Variants in FHIT observed in about 807,000 individuals in gnomAD.
FHIT encodes the protein fragile histidine triad diadenosine triphosphatase, also known as bis(5'-adenosyl)-triphosphatase.
A neutral mutation model predicts 17.9 loss-of-function variants in FHIT; 19 were observed. The observed-to-expected ratio is 1.06, with a 90% CI of 0.74 to 1.56. The LOEUF (loss-of-function observed/expected upper bound fraction) is 1.56. Among genes scored for constraint, FHIT ranks in the 40% most tolerant of loss-of-function variants. The probability of loss-of-function intolerance (pLI) is 0.00; values close to 1 mark genes in which losing one functional copy is unlikely to be tolerated. For synonymous variants in FHIT, 81 were observed against 69.7 expected, an observed-to-expected ratio of 1.16 and a Z score of -0.81; for missense variants, 248 against 189.2, an observed-to-expected ratio of 1.31 and a Z score of -1.82.
chr3:60,186,872 C>T (rs1351777194), intron 5 of FHIT, among the ~76,000 whole-genome samples: 1 of 151,722 alleles, frequency 6.6e-6, no homozygotes, highest in Non-Finnish European at 1.5e-5. Context: ...TTCTACACTC[C>T]CTCAAATTAG....
chr3:60,632,312 G>C (rs567321372), intron 4 of FHIT, among the ~76,000 whole-genome samples: 8 of 152,256 alleles, frequency 5.3e-5, no homozygotes, highest in African/African-American at 1.9e-4. Context: ...GAAGGATCAG[G>C]TTTTCCACAG....
At chr3:59,912,947 A>T (rs541297238) in intron 8 of FHIT, among the ~76,000 whole-genome samples, 1 of 152,254 alleles carries the variant, frequency 6.6e-6, no homozygotes, top group Non-Finnish European at 1.5e-5. Flanking sequence ...TTCAGCACAC[A>T]AAACCAGCTC....
At chr3:61,128,899 T>C (rs2036687504) in intron 2 of FHIT, among the ~76,000 whole-genome samples, 1 of 152,122 alleles carries the variant, frequency 6.6e-6, no homozygotes, top group African/African-American at 2.4e-5. Context: ...TACATAAGCC[T>C]GGACCCTATA....
At chr3:60,116,136 A>C (rs1704950181) in intron 5 of FHIT, among the ~76,000 whole-genome samples, 1 of 152,224 alleles carries the variant, frequency 6.6e-6, no homozygotes, top group Non-Finnish European at 1.5e-5. Flanking sequence ...TGTTATGACA[A>C]AGAAAAAGAA....
chr3:59,812,843 G>C (rs1700455848), intron 8 of FHIT, among the ~76,000 whole-genome samples: 1 of 152,144 alleles, frequency 6.6e-6, no homozygotes, highest in Admixed American at 6.5e-5. Flanking sequence ...ATTACCCATA[G>C]CTATTTATGT....
intron 5 of FHIT, among the ~76,000 whole-genome samples, chr3:60,197,026 G>A (rs1012161955): frequency 6.6e-6 from 1 of 152,140 alleles, no homozygotes; most frequent in Non-Finnish European, 1.5e-5. Flanking sequence ...TATATACGTA[G>A]ACAGATAAAA....
In FHIT at chr3:60,418,410, ATATATATATATATATACG is replaced by A. The variant is rs1559897293; in HGVS notation, c.103+118432_103+118449del. Among the ~76,000 whole-genome samples the A allele has an allele frequency of 1.8e-4, 16 of 91,056 alleles. 1 individual carries two copies. The South Asian group carries it at 2.7e-3, about 15-fold the overall frequency. 59.7% of individuals were successfully genotyped at this position (91,056 alleles called of 152,430 possible). A position where few individuals can be genotyped will look rare whatever the true frequency, so the allele number is the denominator to read the frequency against. ...TATATATATATATATATATATATAT[ATATATATATATATATACG>A]TGTATACACACACACCACAGACGAT... On this transcript the variant is annotated intron_variant, in intron 5 of 9. Transcript: ENST00000492590.
intron 4 of FHIT, among the ~76,000 whole-genome samples, chr3:60,725,855 T>A (rs1453904657): frequency 6.6e-6 from 1 of 152,150 alleles, no homozygotes; most frequent in African/African-American, 2.4e-5. Flanking sequence ...TTAACTTACA[T>A]GATCTTCCTG....
chr3:61,090,488 T>C (rs1320401237), intron 2 of FHIT, among the ~76,000 whole-genome samples: 1 of 152,230 alleles, frequency 6.6e-6, no homozygotes, highest in Non-Finnish European at 1.5e-5. Flanking sequence ...CAGGGATTTA[T>C]ATTACATGAA....
intron 4 of FHIT, among the ~76,000 whole-genome samples, chr3:60,722,272 C>T (rs1025848580): frequency 1.9e-4 from 29 of 152,220 alleles, no homozygotes; most frequent in African/African-American, 6.8e-4. Context: ...CTGCTTACAG[C>T]ATCCTTTACT....
At chr3:60,325,465 T>C (rs1021749094) in intron 5 of FHIT, among the ~76,000 whole-genome samples, 1 of 152,258 alleles carries the variant, frequency 6.6e-6, no homozygotes. Context: ...TGATAGTGTT[T>C]TGTTTTCAAT....
chr3:60,140,936 C>T (rs556027711), intron 5 of FHIT, among the ~76,000 whole-genome samples: 1 of 152,280 alleles, frequency 6.6e-6, no homozygotes, highest in East Asian at 1.9e-4. Context: ...TCAAAGCTGT[C>T]ATCGGTCAGT....
chr3:61,138,219 TCTGAGAAAGACAACCTGG>T (rs1404734122), intron 2 of FHIT, among the ~76,000 whole-genome samples: 5 of 152,178 alleles, frequency 3.3e-5, no homozygotes, highest in Non-Finnish European at 5.9e-5. Context: ...AGACCACACT[TCTGAGAAAGACAACCTGG>T]CTGGTCCAGC....
chr3:61,039,884 T>A (rs1433567904), intron 3 of FHIT, among the ~76,000 whole-genome samples: 4 of 152,106 alleles, frequency 2.6e-5, no homozygotes. Flanking sequence ...GTAAGGGATA[T>A]CAACTGTGGG....
intron 5 of FHIT, chr3:60,536,395 T>A (rs58799376): frequency 1.3e-5 from 2 of 152,942 alleles, no homozygotes; most frequent in Admixed American, 6.5e-5. Context: ...AACGCACAAC[T>A]TGAATGATCT....
intron 5 of FHIT, among the ~76,000 whole-genome samples, chr3:60,084,273 G>T (rs1040656314): frequency 1.3e-5 from 2 of 152,116 alleles, no homozygotes; most frequent in African/African-American, 4.8e-5. Context: ...TATTACCATT[G>T]TAAGTTACAA....
chr3:60,568,215 C>T (rs1366831937), intron 4 of FHIT, among the ~76,000 whole-genome samples: 4 of 152,082 alleles, frequency 2.6e-5, no homozygotes, highest in Non-Finnish European at 5.9e-5. Context: ...CCCACATGTC[C>T]AACAATGATA....
intron 5 of FHIT, among the ~76,000 whole-genome samples, chr3:60,478,929 T>C (rs561231412): frequency 3.3e-5 from 5 of 152,240 alleles, no homozygotes; most frequent in South Asian, 2.1e-4. Flanking sequence ...AATATAACTA[T>C]TGCTCTGGGA....
intron 3 of FHIT, among the ~76,000 whole-genome samples, chr3:60,941,092 G>A (rs1708390609): frequency 1.3e-5 from 2 of 152,100 alleles, no homozygotes; most frequent in South Asian, 4.2e-4. Context: ...CAAATATAAT[G>A]GAGATATTTA....
Sources: allele counts gnomAD v4.1 joint callset (sites outside exome capture counted in the v4.1 genomes callset), GRCh38; gene constraint gnomAD v4.1.1; transcripts MANE v1.5; gene names NCBI Gene and HGNC (gene_info 2026-07-23, HGNC 2026-07-21).